TRHDE: variants seen among roughly 807,000 people sequenced by gnomAD.
TRHDE encodes the protein thyrotropin-releasing hormone-degrading ectoenzyme.
Under a neutral mutation model 125.7 loss-of-function variants are expected in TRHDE, and 72 were observed. The ratio of observed to expected loss-of-function variants is 0.57; its 90% CI spans 0.47 to 0.70. The LOEUF (loss-of-function observed/expected upper bound fraction) is 0.70. TRHDE is among the 30% of genes least tolerant of loss of function. TRHDE has a pLI of 0.00. For synonymous variants in TRHDE, 509 were observed against 509.1 expected (o/e 1.00, Z 0.00); for missense variants, 1,110 against 1,327.1 (o/e 0.84, Z 2.54).
At chr12:72,216,631 CAG>C (rs1448822262) in intron 2 of TRHDE, among the ~76,000 whole-genome samples, 2 of 152,246 alleles carry the variant, frequency 1.3e-5, no homozygotes, top group East Asian at 3.9e-4. Flanking sequence ...AGGGAAAACA[CAG>C]AACACGTTCT....
chr12:72,433,435 T>C (rs754247367), intron 3 of TRHDE, among the ~76,000 whole-genome samples: 4 of 152,110 alleles, frequency 2.6e-5, no homozygotes, highest in Non-Finnish European at 5.9e-5. Context: ...TTGGTTTGAC[T>C]CTAGTTTATG....
At chr12:72,478,338 T>A (rs1876992818) in intron 5 of TRHDE, among the ~76,000 whole-genome samples, 1 of 152,122 alleles carries the variant, frequency 6.6e-6, no homozygotes, top group Non-Finnish European at 1.5e-5. Context: ...TCTCATGGAA[T>A]CCCAGTCTTT....
intron 2 of TRHDE, among the ~76,000 whole-genome samples, chr12:72,187,068 A>G (rs1241667863): frequency 6.6e-6 from 1 of 152,156 alleles, no homozygotes; most frequent in Non-Finnish European, 1.5e-5. Flanking sequence ...GTAGTACACT[A>G]GCCTAGAAAC....
chr12:72,430,251 GTATA>G (rs138208061), intron 3 of TRHDE, among the ~76,000 whole-genome samples: 1 of 145,304 alleles, frequency 6.9e-6, no homozygotes. Flanking sequence ...GTATGTGTGT[GTATA>G]TATATAATAC....
At chr12:72,265,786 C>G (rs1456416981) in intron 2 of TRHDE, among the ~76,000 whole-genome samples, 1 of 151,856 alleles carries the variant, frequency 6.6e-6, no homozygotes, top group African/African-American at 2.4e-5. Context: ...ATGACTGTAT[C>G]TTTGACCAGA....
intron 2 of TRHDE, among the ~76,000 whole-genome samples, chr12:72,328,634 A>G (rs1869447440): frequency 1.3e-5 from 2 of 152,104 alleles, no homozygotes; most frequent in South Asian, 2.1e-4. Context: ...TATTTTAGAG[A>G]TAAACTGTAC....
At chr12:72,152,752 G>A (rs985856897) in intron 2 of TRHDE, among the ~76,000 whole-genome samples, 3 of 152,180 alleles carry the variant, frequency 2.0e-5, no homozygotes, top group Non-Finnish European at 4.4e-5. Context: ...AAGCCCACTT[G>A]ATCATGGTGG....
intron 5 of TRHDE, among the ~76,000 whole-genome samples, chr12:72,475,153 C>T (rs1876831477): frequency 6.6e-6 from 1 of 152,074 alleles, no homozygotes; most frequent in South Asian, 2.1e-4. Context: ...TGGAAGTATT[C>T]TTTAAAAAAC....
intron 2 of TRHDE, among the ~76,000 whole-genome samples, chr12:72,289,105 A>G (rs1879996053): frequency 6.6e-6 from 1 of 152,106 alleles, no homozygotes; most frequent in African/African-American, 2.4e-5. Context: ...TGAGAATGAC[A>G]TTTCTCAACA....
At chr12:72,536,912 T>C (rs1007071975) in intron 6 of TRHDE, among the ~76,000 whole-genome samples, 3 of 152,040 alleles carry the variant, frequency 2.0e-5, no homozygotes, top group Non-Finnish European at 1.5e-5. Context: ...GATTCCAAAC[T>C]CTCAGTAACT....
chr12:72,397,806 C>A (rs868538757), intron 3 of TRHDE, among the ~76,000 whole-genome samples: 14 of 151,992 alleles, frequency 9.2e-5, no homozygotes, highest in African/African-American at 3.1e-4. Flanking sequence ...ACCTTTTTGG[C>A]ATTTTTTAAA....
chr12:72,601,604 T>A (rs543946383), intron 12 of TRHDE, among the ~76,000 whole-genome samples: 1 of 152,160 alleles, frequency 6.6e-6, no homozygotes, highest in South Asian at 2.1e-4. Flanking sequence ...CAAACGTGAT[T>A]GTTGCCTTAT....
chr12:72,347,384 T>C (rs1449393440), intron 2 of TRHDE, among the ~76,000 whole-genome samples: 1 of 152,130 alleles, frequency 6.6e-6, no homozygotes, highest in Non-Finnish European at 1.5e-5. Flanking sequence ...TCATTACAAA[T>C]TGTACATTAT....
At chr12:72,114,135 A>G (rs1875386368) in intron 2 of TRHDE, among the ~76,000 whole-genome samples, 1 of 146,104 alleles carries the variant, frequency 6.8e-6, no homozygotes, top group Non-Finnish European at 1.5e-5. Flanking sequence ...GGTTTATGCC[A>G]GGGGCTCCTG....
chr12:72,411,225 T>C (rs1400855361), intron 3 of TRHDE, among the ~76,000 whole-genome samples: 1 of 142,324 alleles, frequency 7.0e-6, no homozygotes, highest in Non-Finnish European at 1.5e-5. Flanking sequence ...AAAAAAACCA[T>C]ACAAAATTGC....
At chr12:72,260,722 G>C (rs1317178666) in intron 2 of TRHDE, among the ~76,000 whole-genome samples, 3 of 152,064 alleles carry the variant, frequency 2.0e-5, no homozygotes, top group Non-Finnish European at 4.4e-5. Flanking sequence ...ATGAAAGAAG[G>C]GAGTAGTAAG....
chr12:72,244,608 G>T (rs935221922), intron 2 of TRHDE, among the ~76,000 whole-genome samples: 1 of 151,816 alleles, frequency 6.6e-6, no homozygotes, highest in Non-Finnish European at 1.5e-5. Context: ...CAATCCAGAA[G>T]AAACATTGCC....
intron 3 of TRHDE, among the ~76,000 whole-genome samples, chr12:72,391,374 C>A (rs182775405): frequency 2.0e-5 from 3 of 152,098 alleles, no homozygotes; most frequent in Non-Finnish European, 4.4e-5. Flanking sequence ...GTAAATGAAG[C>A]CTTCAGGGCA....
intron 6 of TRHDE, among the ~76,000 whole-genome samples, chr12:72,539,049 C>T (rs965355102): frequency 1.3e-5 from 2 of 151,872 alleles, no homozygotes; most frequent in Non-Finnish European, 1.5e-5. Context: ...AAGTCTATTC[C>T]TGTCATAACA....
Sources: gnomAD v4.1 joint callset for allele counts (sites outside exome capture counted in the v4.1 genomes callset) on GRCh38, gnomAD v4.1.1 for gene constraint, MANE v1.5 for transcripts, NCBI Gene and HGNC (gene_info 2026-07-23, HGNC 2026-07-21) for gene names.